The following PTPRS variants were observed in gnomAD, a reference collection of about 807,000 sequenced individuals.
The protein encoded by PTPRS is receptor-type tyrosine-protein phosphatase S.
PTPRS carries 63 observed loss-of-function variants against 215.3 expected under a neutral mutation model. The ratio of observed to expected loss-of-function variants is 0.29; its 90% CI spans 0.24 to 0.36. PTPRS has a LOEUF of 0.36. Ranked by LOEUF, PTPRS falls within the 10% of genes least tolerant of loss-of-function variation. PTPRS has a pLI of 1.00. For synonymous variants in PTPRS, 1,404 were observed against 1,191.4 expected (o/e 1.18, Z -3.68); for missense variants, 2,258 against 2,825.8 (o/e 0.80, Z 4.56).
chr19:5,267,586 G>C (rs1345942750), intron 4 of PTPRS, among the ~76,000 whole-genome samples: 3 of 151,892 alleles, frequency 2.0e-5, no homozygotes, highest in Non-Finnish European at 4.4e-5. Context: ...AAACCCAGGA[G>C]GTGGAGGTTG....
At position 5,338,519 on chromosome 19, in the gene PTPRS, T is replaced by A. The variant is rs1184247539; in HGVS notation, c.-95+2145A>T. 3.4e-5 allele frequency among the ~76,000 whole-genome samples: 5 copies of A among 148,538 alleles called. No homozygotes were observed. In the East Asian group the frequency reaches 6.0e-4, roughly 18 times the overall value. On this transcript the variant is annotated intron_variant, in intron 1 of 37. Transcript: ENST00000262963. This position sits in a 1 kb window ranked among gnomAD's most constrained non-coding sequence, Gnocchi z 4.2. Reference sequence around the variant, plus strand: ...GGCTTTGTGGAGGGCAGCGGGGGGGTAGGGGAGGGATGCCCAGGTGGGGAC... The same window carrying A: ...GGCTTTGTGGAGGGCAGCGGGGGGGAAGGGGAGGGATGCCCAGGTGGGGAC...
chr19:5,340,091 C>T (rs1320911778), intron 1 of PTPRS, among the ~76,000 whole-genome samples: 9 of 151,804 alleles, frequency 5.9e-5, no homozygotes, highest in South Asian at 2.1e-4. Context: ...GAGGGAGACC[C>T]GGAGAGGGAA....
Position 5,206,229 on chromosome 19 carries a change from G to A in PTPRS, c.*545C>T, listed in dbSNP as rs1373478532. The A allele has an allele frequency of 2.4e-5, 4 of 166,210 alleles. No individual in the cohort carries two copies. Among genetic ancestry groups the A allele is most frequent in the East Asian group, 7.1e-5 (1 of 14,080 alleles). The allele number at this position is 166,210 out of a possible 1,614,324, so 10.3% of individuals were successfully genotyped here. On this transcript the variant is annotated 3_prime_UTR_variant, in exon 38 of 38. Coordinates refer to ENST00000262963, the MANE Select transcript of PTPRS (RefSeq NM_002850.4). ...TTCTCTTTGAAAGTCATTGACTGGC[G>A]AGTCTTTTGTTTGTTTCTCTTAAAA...
rs376801509 is a variant in PTPRS at position 5,286,144 on chromosome 19, T to C, written c.-4A>G. The C allele has an allele frequency of 5.3e-5, 85 of 1,613,594 alleles. No homozygotes were observed. In the Middle Eastern group the frequency reaches 6.6e-4, roughly 13 times the overall value. ...CAGGGCCCCAGGTGGGCGCCATGCT[T>C]GGCAGCGACCTCCGATCTCCGCCCT... On this transcript the variant is annotated 5_prime_UTR_variant, in exon 2 of 38. Coordinates refer to ENST00000262963, the MANE Select transcript of PTPRS (RefSeq NM_002850.4).
At chr19:5,279,147 C>T (rs569745731) in intron 2 of PTPRS, among the ~76,000 whole-genome samples, 1 of 151,652 alleles carries the variant, frequency 6.6e-6, no homozygotes, top group South Asian at 2.1e-4. Flanking sequence ...GACCGCACCA[C>T]TGCACTCCAG....
chr19:5,273,235 A>G (rs895650322), intron 4 of PTPRS: 1 of 633,748 alleles, frequency 1.6e-6, no homozygotes, highest in East Asian at 2.7e-5. Context: ...TAGTCTCTCA[A>G]TTCCTTTCTT....
chr19:5,220,958 G>GATGGGGGTGACAAGGAACCCGGAGC, intron 20 of PTPRS, 42 bp downstream of exon 20: 3 of 1,570,804 alleles, frequency 1.9e-6, no homozygotes, highest in Non-Finnish European at 1.7e-6. Flanking sequence ...ATAGTAGGCT[G>GATGGGGGTGACAAGGAACCCGGAGC]ATGGGGGTGA....
intron 1 of PTPRS, among the ~76,000 whole-genome samples, chr19:5,324,887 A>T (rs2050129419): frequency 6.6e-6 from 1 of 152,162 alleles, no homozygotes; most frequent in Non-Finnish European, 1.5e-5. Context: ...GGGTCTCTGG[A>T]GCACAGGGGC....
In PTPRS at chr19:5,267,900, T is replaced by C. The variant is rs60941753; in HGVS notation, c.380-2704A>G. On this transcript the variant is annotated intron_variant, in intron 4 of 37. Coordinates refer to ENST00000262963, the MANE Select transcript of PTPRS (RefSeq NM_002850.4). ...ATAAAGTTTTATCAGCCGGGCACAG[T>C]GGGTCACGCCTATAATCCCAGCACT... Among the ~76,000 whole-genome samples, 16 of 151,896 alleles carry C rather than the reference T, an allele frequency of 1.1e-4. No individual in the cohort carries two copies. The East Asian group carries it at 2.9e-3, about 28-fold the overall frequency.
chr19:5,259,033 G>A (rs1034823893), intron 7 of PTPRS, among the ~76,000 whole-genome samples: 1 of 152,188 alleles, frequency 6.6e-6, no homozygotes, highest in Non-Finnish European at 1.5e-5. Flanking sequence ...CCCAGGATTA[G>A]ATTAAATTTT....
chr19:5,229,367 GGA>G (rs2042810953), intron 15 of PTPRS, 25 bp from the exon 16 acceptor site: 2 of 1,374,940 alleles, frequency 1.5e-6, no homozygotes, highest in Non-Finnish European at 9.4e-7. Context: ...AGGCGGCAGG[GGA>G]GAGAGGAGGA....
chr19:5,212,197 C>A lies in PTPRS; in HGVS notation c.4823G>T (p.Arg1608Leu). The A allele has an allele frequency of 1.2e-6, 2 of 1,613,760 alleles. No individual in the cohort carries two copies. The highest frequency in any genetic ancestry group is 1.7e-6 in the Non-Finnish European group (2 of 1,179,964). Residue 1608 changes from arginine to leucine, a missense_variant, in exon 32 of 38, where the codon CGG (arginine) becomes CTG (leucine). Coordinates refer to ENST00000262963, the MANE Select transcript of PTPRS (RefSeq NM_002850.4). ...ATCGACTGTCTTCTCTGGCTTGATC[C>A]GCTCAAGCATGGCGTCGATGACGAT... Reference protein sequence around the residue: ...CFIVIDAMLERIKPEKTVDVY... With the variant: ...CFIVIDAMLELIKPEKTVDVY...
intron 9 of PTPRS, among the ~76,000 whole-genome samples, chr19:5,252,360 T>A (rs537741972): frequency 6.6e-6 from 1 of 152,144 alleles, no homozygotes; most frequent in South Asian, 2.1e-4. Flanking sequence ...GTGAATCACC[T>A]GAGGTCAGGA....
At chr19:5,246,399 G>C (rs1405692607) in intron 9 of PTPRS, among the ~76,000 whole-genome samples, 1 of 152,124 alleles carries the variant, frequency 6.6e-6, no homozygotes, top group Non-Finnish European at 1.5e-5. Context: ...ATAGCAACAG[G>C]GTTTCATAGA....
chr19:5,309,235 G>C (rs182017367), intron 1 of PTPRS, among the ~76,000 whole-genome samples: 1 of 152,284 alleles, frequency 6.6e-6, no homozygotes, highest in Admixed American at 6.5e-5. Context: ...GTGCTGTGTG[G>C]CCTTGGGCAA....
chr19:5,314,824 CAGATCAGGGGCTT>C (rs1485464505), intron 1 of PTPRS, among the ~76,000 whole-genome samples: 2 of 152,186 alleles, frequency 1.3e-5, no homozygotes, highest in Admixed American at 6.6e-5. Context: ...ACAGGGGCTT[CAGATCAGGGGCTT>C]AGATCAGGGG....
At chr19:5,219,847 G>C (rs1471100710) in intron 22 of PTPRS, 92 bp downstream of exon 22, 2 of 1,408,904 alleles carry the variant, frequency 1.4e-6, no homozygotes, top group Non-Finnish European at 2.0e-6. Flanking sequence ...GGAGCTGCCT[G>C]TGACTGACCA....
At position 5,225,821 on chromosome 19, in the gene PTPRS, C is replaced by T. The variant is rs776711182; in HGVS notation, c.2400G>A (p.Gln800=). 1 of 1,614,008 alleles carries T rather than the reference C, an allele frequency of 6.2e-7. No individual in the cohort carries two copies. Among genetic ancestry groups the T allele is most frequent in the East Asian group, 2.2e-5 (1 of 44,866 alleles). The change falls in exon 17 of 38, where the codon CAG becomes CAA. Residue 800 remains glutamine, a synonymous_variant. Coordinates refer to ENST00000262963, the MANE Select transcript of PTPRS (RefSeq NM_002850.4). Reference sequence around the variant, plus strand: ...CCGTGATGGAGTACGCGGTCTCAGGCTGCAAGTTTGTGATGACCATCTCCT... The same window carrying T: ...CCGTGATGGAGTACGCGGTCTCAGGTTGCAAGTTTGTGATGACCATCTCCT... ...AEYEMVITNL[Q]PETAYSITVA...
At chr19:5,214,521 G>C (rs1424012387) in intron 29 of PTPRS, 40 bp downstream of exon 29, 3 of 1,612,596 alleles carry the variant, frequency 1.9e-6, no homozygotes, top group Admixed American at 1.7e-5. Context: ...GGGACAGGCT[G>C]ACTGGCAGGG....
Sources: allele counts gnomAD v4.1 joint callset (sites outside exome capture counted in the v4.1 genomes callset), GRCh38; gene constraint gnomAD v4.1.1; non-coding constraint Gnocchi (gnomAD v3.1); transcripts MANE v1.5; gene names NCBI Gene and HGNC (gene_info 2026-07-23, HGNC 2026-07-21).